The following MAF variants were observed in gnomAD, a reference collection of about 807,000 sequenced individuals.
MAF encodes MAF bZIP transcription factor.
In MAF, 10 loss-of-function variants were observed where a neutral mutation model predicts 22.0. The ratio of observed to expected loss-of-function variants is 0.45; its 90% confidence interval spans 0.28 to 0.77. The LOEUF (loss-of-function observed/expected upper bound fraction) is 0.77. Among genes scored for constraint, MAF ranks in the 30% least tolerant of loss-of-function variants. The probability of loss-of-function intolerance (pLI) is 0.12; values close to 1 mark genes in which losing one functional copy is unlikely to be tolerated. For synonymous variants in MAF, 337 were observed against 255.8 expected, an observed-to-expected ratio of 1.32 and a Z score of -3.03; for missense variants, 544 against 548.4, an observed-to-expected ratio of 0.99 and a Z score of 0.08.
At chr16:79,491,434 C>T in the MAF span, among the ~76,000 whole-genome samples, 1 of 152,146 alleles carries the variant, frequency 6.6e-6, no homozygotes, top group South Asian at 2.1e-4. Flanking sequence ...CTTTGTTGAA[C>T]ACAAGAAACA....
At chr16:79,478,098 G>A in the MAF span, among the ~76,000 whole-genome samples, 1 of 152,144 alleles carries the variant, frequency 6.6e-6, no homozygotes, top group Non-Finnish European at 1.5e-5. Flanking sequence ...CTAAAGCTTA[G>A]AGAGCACCTT....
At chr16:79,588,936 G>T (rs1254715433), downstream of MAF, among the ~76,000 whole-genome samples, 1 of 152,124 alleles carries the variant, frequency 6.6e-6, no homozygotes, top group African/African-American at 2.4e-5. Context: ...ATCTTAGAAA[G>T]ATTACCGAGG....
At chr16:79,402,880 A>C in the MAF span, among the ~76,000 whole-genome samples, 1 of 152,144 alleles carries the variant, frequency 6.6e-6, no homozygotes, top group African/African-American at 2.4e-5. Flanking sequence ...CTCAACCCAC[A>C]TCCTTCAGCT....
chr16:79,457,410 A>G, the MAF span, among the ~76,000 whole-genome samples: 2 of 143,482 alleles, frequency 1.4e-5, no homozygotes, highest in Non-Finnish European at 3.0e-5. Context: ...TTTTTTGAGC[A>G]TGATCCCATT....
chr16:79,249,305 G>T, the MAF span, among the ~76,000 whole-genome samples: 1 of 151,874 alleles, frequency 6.6e-6, no homozygotes, highest in South Asian at 2.1e-4. Context: ...TGTTATCCCA[G>T]CTACTTGGGA....
the MAF span, among the ~76,000 whole-genome samples, chr16:79,523,575 G>A: frequency 1.3e-5 from 2 of 152,204 alleles, no homozygotes; most frequent in Non-Finnish European, 2.9e-5. Context: ...AGAGATGCTG[G>A]CTGCCTCAAG....
chr16:79,259,743 T>C, the MAF span, among the ~76,000 whole-genome samples: 3 of 151,814 alleles, frequency 2.0e-5, no homozygotes, highest in Non-Finnish European at 4.4e-5. Flanking sequence ...CCTAAGAGAG[T>C]CCAGTGGTGG....
chr16:79,571,738 C>A, the MAF span, among the ~76,000 whole-genome samples: 1 of 152,176 alleles, frequency 6.6e-6, no homozygotes, highest in Non-Finnish European at 1.5e-5. Context: ...CTTGGCATCA[C>A]CAGCTTCTCT....
the MAF span, among the ~76,000 whole-genome samples, chr16:79,345,200 A>AT: frequency 0.51 from 77,680 of 151,658 alleles, 20,804 homozygotes; most frequent in African/African-American, 0.67. Flanking sequence ...TTGTCAGTAC[A>AT]TTATATATTA....
At chr16:79,472,706 G>T in the MAF span, among the ~76,000 whole-genome samples, 1 of 151,904 alleles carries the variant, frequency 6.6e-6, no homozygotes, top group Non-Finnish European at 1.5e-5. Flanking sequence ...GGCGATGGTT[G>T]TACAACTCTA....
the MAF span, among the ~76,000 whole-genome samples, chr16:79,217,087 G>C: frequency 6.6e-6 from 1 of 152,234 alleles, no homozygotes; most frequent in Non-Finnish European, 1.5e-5. Flanking sequence ...TGGGATTACA[G>C]GCATGAGCCA....
At chr16:79,207,649 C>G in the MAF span, among the ~76,000 whole-genome samples, 2 of 152,162 alleles carry the variant, frequency 1.3e-5, no homozygotes, top group African/African-American at 2.4e-5. Flanking sequence ...TACTTTAAGA[C>G]AGGAATCTCC....
At chr16:79,239,561 C>G in the MAF span, among the ~76,000 whole-genome samples, 1 of 151,966 alleles carries the variant, frequency 6.6e-6, no homozygotes, top group East Asian at 1.9e-4. Flanking sequence ...CCAGATTAAC[C>G]ATCACCTCCA....
chr16:79,575,982 G>A, the MAF span, among the ~76,000 whole-genome samples: 1 of 151,916 alleles, frequency 6.6e-6, no homozygotes. Context: ...AAATCCCACA[G>A]GGAGCCTATG....
At chr16:79,267,243 G>A in the MAF span, among the ~76,000 whole-genome samples, 5 of 152,160 alleles carry the variant, frequency 3.3e-5, no homozygotes, top group Non-Finnish European at 7.3e-5. Context: ...TCTTGGATGT[G>A]GTGGGGTATT....
chr16:79,394,656 T>C, the MAF span, among the ~76,000 whole-genome samples: 1 of 152,156 alleles, frequency 6.6e-6, no homozygotes, highest in Non-Finnish European at 1.5e-5. Flanking sequence ...GGAGAACTCA[T>C]AGAGAGCAGT....
At chr16:79,595,649 A>G (rs1913474507) in intron 1 of MAF, 3 of 1,057,686 alleles carry the variant, frequency 2.8e-6, no homozygotes, top group Non-Finnish European at 3.4e-6. Flanking sequence ...AGGGATCTTT[A>G]AGTCAGCCCC....
At chr16:79,363,947 A>G in the MAF span, among the ~76,000 whole-genome samples, 1 of 152,220 alleles carries the variant, frequency 6.6e-6, no homozygotes, top group African/African-American at 2.4e-5. Context: ...CTACCCATCC[A>G]GCCTGACTGG....
At chr16:79,232,343 C>G in the MAF span, among the ~76,000 whole-genome samples, 4 of 152,028 alleles carry the variant, frequency 2.6e-5, no homozygotes, top group Non-Finnish European at 5.9e-5. Context: ...CATGTAAACA[C>G]TTTTGTACTT....
Sources: gnomAD v4.1 joint callset for allele counts (sites outside exome capture counted in the v4.1 genomes callset) on GRCh38, gnomAD v4.1.1 for gene constraint, MANE v1.5 for transcripts, NCBI Gene and HGNC (gene_info 2026-07-23, HGNC 2026-07-21) for gene names.